Variants in EXOC1 observed in about 807,000 individuals in gnomAD.
EXOC1 encodes SEC3-like 1.
In EXOC1, 67 loss-of-function variants were observed where a neutral mutation model predicts 107.7. The ratio of observed to expected loss-of-function variants is 0.62; its 90% CI spans 0.51 to 0.76. The LOEUF is 0.76. EXOC1 is among the 30% of genes least tolerant of loss of function. The pLI is 0.00. For missense variants in EXOC1, 833 were observed against 1,055.7 expected (o/e 0.79, Z 2.92); for synonymous variants, 348 against 353.5 (o/e 0.98, Z 0.17).
At chr4:55,900,409 A>G (rs1309535592) in intron 17 of EXOC1, 1 of 152,178 alleles carries the variant, frequency 6.6e-6, no homozygotes, top group Non-Finnish European at 1.5e-5. Context: ...ATTGCCTTTT[A>G]CTTTTCTTTC....
chr4:55,877,856 T>C (rs1157205534), intron 8 of EXOC1, 61 bp from the exon 9 acceptor site: 2 of 1,594,886 alleles, frequency 1.3e-6, no homozygotes, highest in Admixed American at 3.5e-5. Context: ...GTTTAGACTT[T>C]TTATTGTAAC....
chr4:55,893,587 T>C lies in EXOC1; in HGVS notation c.1760T>C (p.Phe587Ser). The C allele has an allele frequency of 6.2e-7, 1 of 1,613,832 alleles. No homozygotes were observed. The highest frequency in any genetic ancestry group is 8.5e-7 in the Non-Finnish European group (1 of 1,179,988). The change falls in exon 15 of 19, where the codon TTT (phenylalanine) becomes TCT (serine). Residue 587 changes from phenylalanine (F) to serine (S), a missense_variant. Transcript: ENST00000381295. Reference protein sequence around the residue: ...DMIRQMMIKIFRCIEPELNNL... With the variant: ...DMIRQMMIKISRCIEPELNNL... ...ATCCGCCAAATGATGATTAAAATAT[T>C]TCGCTGCATTGAGCCAGAGCTGAAC...
chr4:55,892,786 G>T lies in EXOC1; in HGVS notation c.1724+75G>T, dbSNP rs186299552. 5.1e-4 allele frequency: 716 copies of T among 1,409,804 alleles called. 4 individuals are homozygous for T. The highest frequency in any genetic ancestry group is 6.8e-4 in the Non-Finnish European group (683 of 998,898). 87.3% of individuals were successfully genotyped at this position (1,409,804 alleles called of 1,614,324 possible). Reference sequence around the variant, plus strand: ...AATGTGGAGTGCTGCTCATTGAGGGGTCTAGATGTTTCTCAGTAGCCTGAC... The same window carrying T: ...AATGTGGAGTGCTGCTCATTGAGGGTTCTAGATGTTTCTCAGTAGCCTGAC... On this transcript the variant is annotated intron_variant, in intron 14 of 18. Transcript: ENST00000381295.
At chr4:55,874,155 T>C (rs987406472) in intron 8 of EXOC1, among the ~76,000 whole-genome samples, 1 of 152,072 alleles carries the variant, frequency 6.6e-6, no homozygotes, top group Admixed American at 6.6e-5. Flanking sequence ...CTTGAACGAG[T>C]CCATGCAATA....
In EXOC1 at chr4:55,896,917, T is replaced by C. The variant is rs1165119671; in HGVS notation, c.2137+17T>C. On this transcript the variant is annotated intron_variant, in intron 16 of 18. Coordinates refer to ENST00000381295, the MANE Select transcript of EXOC1 (RefSeq NM_001024924.2). ...TTGTTAATGGTAAGCTTTTGTTATG[T>C]TCTAAAGAATTGTTATAGCTATTGT... The C allele has an allele frequency of 6.4e-7, 1 of 1,562,298 alleles. No homozygotes were observed. Among genetic ancestry groups the C allele is most frequent in the South Asian group, 1.2e-5 (1 of 80,790 alleles).
At chr4:55,863,925 C>T (rs937865404) in intron 3 of EXOC1, among the ~76,000 whole-genome samples, 4 of 152,160 alleles carry the variant, frequency 2.6e-5, no homozygotes, top group African/African-American at 9.7e-5. Flanking sequence ...AGACCATTGT[C>T]ATCTTACTGA....
intron 9 of EXOC1, chr4:55,883,520 TCTGATTTAGA>T (rs1723599326): frequency 1.0e-5 from 2 of 191,630 alleles, no homozygotes. Flanking sequence ...ATGTATTTGT[TCTGATTTAGA>T]TATTCTGTAT....
rs367651062 is a variant in EXOC1, at chr4:55,893,560, T to C, written c.1733T>C (p.Met578Thr). 4.6e-5 allele frequency: 75 copies of C among 1,612,918 alleles called. No homozygotes were observed. Among genetic ancestry groups the C allele is most frequent in the African/African-American group, 1.6e-4 (12 of 75,046 alleles). Residue 578 changes from methionine (M) to threonine (T), a missense_variant, in exon 15 of 19, where the codon ATG (methionine) becomes ACG (threonine). Physicochemically the swap from Met to Thr is moderately conservative, Grantham distance 81 (BLOSUM62 -1). Transcript: ENST00000381295. ...GTCTGTTTTCTGAACAGGAAAGATA[T>C]GATCCGCCAAATGATGATTAAAATA... ...TPLPVSSEKD[M>T]IRQMMIKIFR... is the part of the protein sequence containing the mutation.
intron 17 of EXOC1, 74 bp from the exon 18 acceptor site, chr4:55,902,270 T>G: frequency 8.3e-7 from 1 of 1,203,032 alleles, no homozygotes; most frequent in Non-Finnish European, 1.1e-6. Flanking sequence ...TACACTACTT[T>G]GTAATCAGAT....
chr4:55,874,199 CA>C (rs1201771018), intron 8 of EXOC1, among the ~76,000 whole-genome samples: 2 of 152,054 alleles, frequency 1.3e-5, no homozygotes, highest in African/African-American at 4.8e-5. Flanking sequence ...ACAACATTTA[CA>C]AATATTGTAC....
At position 55,893,644 on chromosome 4, in the gene EXOC1, G is replaced by A. The variant is rs1724841998; in HGVS notation, c.1817G>A (p.Ser606Asn). 1.2e-6 allele frequency: 2 copies of A among 1,613,906 alleles called. No homozygotes were observed. Among genetic ancestry groups the A allele is most frequent in the Non-Finnish European group, 1.7e-6 (2 of 1,179,984 alleles). Residue 606 changes from serine (S) to asparagine (N), a missense_variant, in exon 15 of 19, where the codon AGC becomes AAC. Physicochemically the swap from Ser to Asn is conservative, Grantham distance 46 (BLOSUM62 1). This residue lies in a region of EXOC1 where 216 missense variants were observed against 354.4 expected (regional missense o/e 0.61). Coordinates refer to ENST00000381295, the MANE Select transcript of EXOC1 (RefSeq NM_001024924.2). ...NLIALGDKID[S>N]FNSLYMLVKM... ...ATTGCATTAGGAGACAAAATTGATA[G>A]CTTTAACTCTCTTTATATGTTAGTC...
Position 55,878,120 on chromosome 4 carries a change from TAA to T in EXOC1, c.1224+55_1224+56del, listed in dbSNP as rs1384310640. 15 of 1,575,336 alleles carry T rather than the reference TAA, an allele frequency of 9.5e-6. No individual in the cohort carries two copies. In the Admixed American group the frequency reaches 2.6e-4, roughly 28 times the overall value. On this transcript the variant is annotated intron_variant, in intron 9 of 18. Transcript: ENST00000381295. ...AGAATAGAGCATTATCTTTTAGAAT[TAA>T]GAGGTCATGTGTTCAGTTCCCCAAG... is the stretch of plus-strand genomic sequence containing the variant.
chr4:55,869,270 G>A (rs1722222334), intron 5 of EXOC1, among the ~76,000 whole-genome samples: 1 of 152,128 alleles, frequency 6.6e-6, no homozygotes. Context: ...GGAGGCTGAG[G>A]CACAAGAATC....
intron 4 of EXOC1, 62 bp from the exon 5 acceptor site, chr4:55,868,274 T>C: frequency 1.4e-6 from 2 of 1,417,604 alleles, no homozygotes; most frequent in South Asian, 1.4e-5. Flanking sequence ...TACCTATATG[T>C]ATTATGTTAT....
Position 55,877,966 on chromosome 4 carries a change from T to C in EXOC1, c.1124T>C (p.Leu375Ser). The C allele has an allele frequency of 1.2e-6, 2 of 1,613,928 alleles. No individual in the cohort carries two copies. Among genetic ancestry groups the C allele is most frequent in the Non-Finnish European group, 1.7e-6 (2 of 1,179,882 alleles). ...GCCCAACACTCTGTTGAACTGACTTTACCCAATCATCATCCATTTCATAGA... is the reference window on the plus strand; with the variant it reads ...GCCCAACACTCTGTTGAACTGACTTCACCCAATCATCATCCATTTCATAGA... ...TLAQHSVELT[L>S]PNHHPFHRDL... Residue 375 changes from leucine (L) to serine (S), a missense_variant, in exon 9 of 19, where the codon TTA becomes TCA. Transcript: ENST00000381295.
intron 3 of EXOC1, among the ~76,000 whole-genome samples, chr4:55,861,643 C>T (rs932695726): frequency 2.0e-5 from 3 of 152,172 alleles, no homozygotes; most frequent in Admixed American, 6.5e-5. Flanking sequence ...GGCTTACTGG[C>T]CCTTTGTTTT....
At chr4:55,898,775 TATAG>T (rs1725544364) in intron 16 of EXOC1, among the ~76,000 whole-genome samples, 1 of 152,228 alleles carries the variant, frequency 6.6e-6, no homozygotes, top group Non-Finnish European at 1.5e-5. Flanking sequence ...AGTTAGTTAA[TATAG>T]ATAAACATAA....
intron 12 of EXOC1, 83 bp downstream of exon 12, chr4:55,890,469 G>T (rs1282216420): frequency 3.3e-5 from 39 of 1,176,040 alleles, no homozygotes; most frequent in Non-Finnish European, 4.6e-5. Flanking sequence ...TGTGTTCAAA[G>T]ATTTGGGTTC....
chr4:55,897,229 A>C (rs10014211), intron 16 of EXOC1, among the ~76,000 whole-genome samples: 84,321 of 151,090 alleles, frequency 0.56, 23,765 homozygotes, highest in East Asian at 0.67. Flanking sequence ...CAGGCTCAAA[A>C]GATCCTCCTA....
Sources: gnomAD v4.1 joint callset for allele counts (sites outside exome capture counted in the v4.1 genomes callset) on GRCh38, gnomAD v4.1.1 for gene constraint, gnomAD v4.1.1 regional missense constraint, MANE v1.5 for transcripts, NCBI Gene and HGNC (gene_info 2026-07-23, HGNC 2026-07-21) for gene names.